Variants in LIMS1 observed in about 807,000 individuals in gnomAD.
The protein encoded by LIMS1 is LIM zinc finger domain containing 1, also known as LIM and senescent cell antigen-like-containing domain protein 1.
Under a neutral mutation model 44.1 loss-of-function variants are expected in LIMS1, and 18 were observed. The observed-to-expected ratio is 0.41, with a 90% CI of 0.28 to 0.61. The LOEUF (loss-of-function observed/expected upper bound fraction) is 0.61. Ranked by LOEUF, LIMS1 falls within the 20% of genes least tolerant of loss-of-function variation. The pLI, the probability that LIMS1 is intolerant of heterozygous loss-of-function variation, is 0.32. For missense variants in LIMS1, 201 were observed against 422.0 expected, an observed-to-expected ratio of 0.48 and a Z score of 4.59; for synonymous variants, 93 against 149.1, an observed-to-expected ratio of 0.62 and a Z score of 2.74.
At chr2:108,641,632 T>C (rs1218222295) in intron 1 of LIMS1, among the ~76,000 whole-genome samples, 3 of 152,234 alleles carry the variant, frequency 2.0e-5, no homozygotes, top group Non-Finnish European at 4.4e-5. Context: ...AATACAAACA[T>C]GTAAAAAATG....
Position 108,636,146 on chromosome 2 carries a change from T to G in LIMS1, c.33-23459T>G, listed in dbSNP as rs548984814. Among the ~76,000 whole-genome samples, 290 of 152,108 alleles carry G rather than the reference T, an allele frequency of 1.9e-3. 3 individuals carry two copies. Among genetic ancestry groups the G allele is most frequent in the African/African-American group, 6.6e-3 (275 of 41,486 alleles). ...CACGGACCCTAGAGCTGAGTTAGAG[T>G]GCCAAGGGAGGAGCCCTACTCCGTG... On this transcript the variant is annotated intron_variant, in intron 1 of 9. Transcript: ENST00000544547.
At chr2:108,644,141 A>G (rs1689904779) in intron 1 of LIMS1, among the ~76,000 whole-genome samples, 1 of 152,198 alleles carries the variant, frequency 6.6e-6, no homozygotes, top group Non-Finnish European at 1.5e-5. Context: ...ATCTCCCAGC[A>G]CAGCGTTCAA....
At chr2:108,662,326 G>C in intron 2 of LIMS1, 2 of 1,611,396 alleles carry the variant, frequency 1.2e-6, no homozygotes, top group Non-Finnish European at 1.7e-6. Context: ...GAGGCCACTG[G>C]TGCTGAGTCA....
chr2:108,685,182 G>C (rs1266197028), exon 10 of LIMS1: 1 of 152,126 alleles, frequency 6.6e-6, no homozygotes, highest in South Asian at 2.1e-4. Flanking sequence ...TAATTAATTT[G>C]ATTTATTTAC....
At chr2:108,611,820 G>T (rs1687619514) in intron 1 of LIMS1, among the ~76,000 whole-genome samples, 1 of 126,312 alleles carries the variant, frequency 7.9e-6, no homozygotes. Context: ...AGAAGTTGCT[G>T]TGAACCATGA....
chr2:108,540,005 CATAAG>C (rs1684264758), intron 1 of LIMS1, among the ~76,000 whole-genome samples: 1 of 151,162 alleles, frequency 6.6e-6, no homozygotes, highest in African/African-American at 2.4e-5. Flanking sequence ...TTCAAATGAA[CATAAG>C]ATGATAGTAT....
intron 1 of LIMS1, among the ~76,000 whole-genome samples, chr2:108,593,583 A>G (rs996838353): frequency 7.2e-5 from 11 of 152,310 alleles, no homozygotes; most frequent in Admixed American, 3.9e-4. Context: ...CTTTCAGAAC[A>G]ATTAGCACCT....
At chr2:108,665,097 T>C (rs1691658011) in intron 2 of LIMS1, among the ~76,000 whole-genome samples, 1 of 152,202 alleles carries the variant, frequency 6.6e-6, no homozygotes, top group Non-Finnish European at 1.5e-5. Context: ...AAGCTTGGCT[T>C]TAGGAACTGT....
intron 1 of LIMS1, chr2:108,621,440 G>A (rs546456143): frequency 1.3e-6 from 2 of 1,551,130 alleles, no homozygotes; most frequent in Non-Finnish European, 1.7e-6. Flanking sequence ...AGAGTAAATG[G>A]GTTACCAGAG....
intron 1 of LIMS1, among the ~76,000 whole-genome samples, chr2:108,557,764 C>A (rs903732684): frequency 3.9e-5 from 6 of 152,182 alleles, no homozygotes; most frequent in East Asian, 1.9e-4. Context: ...GATCCACCTG[C>A]CTCAGCCTCC....
chr2:108,677,808 G>T (rs532006803), intron 7 of LIMS1, among the ~76,000 whole-genome samples, 171 bp from the exon 8 acceptor site: 2 of 152,294 alleles, frequency 1.3e-5, no homozygotes, highest in South Asian at 4.1e-4. Context: ...TCTTTTAATT[G>T]ATGAGAGTGA....
At chr2:108,686,908 A>C (rs535607780) in exon 10 of LIMS1, 1 of 152,342 alleles carries the variant, frequency 6.6e-6, no homozygotes, top group South Asian at 2.1e-4. Context: ...CCTACAAGAC[A>C]ATTTGAAATA....
At chr2:108,675,406 C>CGGG (rs1692469551) in intron 5 of LIMS1, among the ~76,000 whole-genome samples, 1 of 151,384 alleles carries the variant, frequency 6.6e-6, no homozygotes, top group African/African-American at 2.4e-5. Flanking sequence ...AGCGTTAATC[C>CGGG]ATCTGTGAGG....
chr2:108,636,692 A>G (rs1689276494), intron 1 of LIMS1, among the ~76,000 whole-genome samples: 1 of 152,246 alleles, frequency 6.6e-6, no homozygotes, highest in Non-Finnish European at 1.5e-5. Context: ...TGCTAGATGT[A>G]TAGAATACCA....
intron 1 of LIMS1, among the ~76,000 whole-genome samples, chr2:108,561,809 T>A (rs1685134364): frequency 6.6e-6 from 1 of 150,998 alleles, no homozygotes; most frequent in Admixed American, 6.6e-5. Flanking sequence ...TGGCGTGATC[T>A]TGGCTCAACT....
intron 1 of LIMS1, among the ~76,000 whole-genome samples, chr2:108,537,049 A>G (rs1684167906): frequency 6.6e-6 from 1 of 152,146 alleles, no homozygotes; most frequent in Non-Finnish European, 1.5e-5. Context: ...AATTGACATT[A>G]TTTTCCTGTG....
chr2:108,633,000 G>T (rs1045697690), intron 1 of LIMS1, among the ~76,000 whole-genome samples: 1 of 152,110 alleles, frequency 6.6e-6, no homozygotes, highest in South Asian at 2.1e-4. Flanking sequence ...AGTGTACCAG[G>T]TGACTCCCTT....
chr2:108,572,437 C>T (rs929054356), intron 1 of LIMS1, among the ~76,000 whole-genome samples: 3 of 136,544 alleles, frequency 2.2e-5, no homozygotes, highest in African/African-American at 5.5e-5. Flanking sequence ...GGCTGGAGTG[C>T]AGTGGCGCAG....
At chr2:108,666,883 G>T (rs1276721881) in intron 2 of LIMS1, among the ~76,000 whole-genome samples, 1 of 152,050 alleles carries the variant, frequency 6.6e-6, no homozygotes, top group East Asian at 1.9e-4. Flanking sequence ...TATAGGGGAA[G>T]GTGGTCAGAG....
Sources: allele counts gnomAD v4.1 joint callset (sites outside exome capture counted in the v4.1 genomes callset), GRCh38; gene constraint gnomAD v4.1.1; transcripts MANE v1.5; gene names NCBI Gene and HGNC (gene_info 2026-07-23, HGNC 2026-07-21).